ZYX: variants seen among roughly 807,000 people sequenced by gnomAD.
The protein encoded by ZYX is zyxin-2.
Under a neutral mutation model 58.1 loss-of-function variants are expected in ZYX, and 37 were observed. That is an observed-to-expected ratio of 0.64 (90% CI 0.49 to 0.84). ZYX has a LOEUF of 0.84. ZYX is among the 40% of genes least tolerant of loss of function. The pLI is 0.00. For missense variants in ZYX, 762 were observed against 761.6 expected (o/e 1.00, Z -0.01); for synonymous variants, 324 against 321.1 (o/e 1.01, Z -0.10).
rs1586572496 is a variant in ZYX at position 143,389,556 on chromosome 7, A to T, written c.1494-301A>T. The stretch of plus-strand genomic sequence containing the variant: ...CAGGATGGGATGGGAGGGGTACCTC[A>T]GGGCTGGCTTTCTGCAGGAGCTGCA... On this transcript the variant is annotated intron_variant, in intron 8 of 9. Coordinates refer to ENST00000322764, the MANE Select transcript of ZYX (RefSeq NM_003461.5). This position sits in a 1 kb window ranked among gnomAD's most constrained non-coding sequence, Gnocchi z 5.6. 1.3e-5 allele frequency among the ~76,000 whole-genome samples: 2 copies of T among 152,328 alleles called. No individual in the cohort carries two copies. The highest frequency in any genetic ancestry group is 2.9e-5 in the Non-Finnish European group (2 of 68,020).
At position 143,390,294 on chromosome 7, in the gene ZYX, A is replaced by T. The variant is rs148112834; in HGVS notation, c.1615-284A>T. On this transcript the variant is annotated intron_variant, in intron 9 of 9. Transcript: ENST00000322764. This position sits in a 1 kb window ranked among gnomAD's most constrained non-coding sequence, Gnocchi z 4.3. ...AGGAGCTGAGAGAAGAGGTCTTCGA[A>T]TGGAGGTGAGCCAACCTCTATTTTA... 387 of 549,670 alleles carry T rather than the reference A, an allele frequency of 7.0e-4. 6 individuals carry two copies. The East Asian group carries it at 0.012, about 17-fold the overall frequency. 34.0% of individuals were successfully genotyped at this position (549,670 alleles called of 1,614,324 possible).
At chr7:143,381,854 T>G in intron 2 of ZYX, 75 bp downstream of exon 2, 2 of 1,382,800 alleles carry the variant, frequency 1.4e-6, no homozygotes, top group Non-Finnish European at 1.9e-6. Flanking sequence ...AATTTGGGGA[T>G]GTCTGGAAAG....
rs1215049091 is a variant in ZYX at position 143,388,814 on chromosome 7, C to T, written c.1362C>T (p.Arg454=). The change falls in exon 8 of 10, where the codon CGC becomes CGT. Residue 454 remains arginine (R), a synonymous_variant. Transcript: ENST00000322764. This position sits in a 1 kb window ranked among gnomAD's most constrained non-coding sequence, Gnocchi z 7.5. ...CNTCGEPITD[R]MLRATGKAYH... ...CCTGCGGGGAGCCCATCACTGACCG[C>T]ATGCTGAGGGCCACGGGCAAGGCCT... The T allele has an allele frequency of 6.2e-7, 1 of 1,613,952 alleles. No homozygotes were observed. The highest frequency in any genetic ancestry group is 1.3e-5 in the African/African-American group (1 of 74,908).
rs1383254753 is a variant in ZYX, at chr7:143,390,520, G to A, written c.1615-58G>A. 3.1e-6 allele frequency: 4 copies of A among 1,279,258 alleles called. No homozygotes were observed. Among genetic ancestry groups the A allele is most frequent in the Non-Finnish European group, 3.3e-6 (3 of 903,732 alleles). 79.2% of individuals were successfully genotyped at this position (1,279,258 alleles called of 1,614,324 possible). On this transcript the variant is annotated intron_variant, in intron 9 of 9. Coordinates refer to ENST00000322764, the MANE Select transcript of ZYX (RefSeq NM_003461.5). This position sits in a 1 kb window ranked among gnomAD's most constrained non-coding sequence, Gnocchi z 4.3. ...AGATGGAGCTGGATGGGGTGGGGTA[G>A]GGTGGAGCAGAGCAGGGGCCTTCCG...
chr7:143,386,685 A>G (rs1804877888), intron 5 of ZYX, among the ~76,000 whole-genome samples: 1 of 141,470 alleles, frequency 7.1e-6, no homozygotes, highest in African/African-American at 2.5e-5. Flanking sequence ...AGGCTGGGGC[A>G]TGGTGGACAA....
At chr7:143,386,046 G>A (rs1804853057) in intron 5 of ZYX, among the ~76,000 whole-genome samples, 1 of 105,912 alleles carries the variant, frequency 9.4e-6, no homozygotes, top group Non-Finnish European at 2.4e-5. Context: ...GTATGTGAGT[G>A]GTGTATGTGT....
intron 2 of ZYX, 156 bp downstream of exon 2, chr7:143,381,935 T>TGGC (rs1804619300): frequency 7.5e-6 from 6 of 798,108 alleles, no homozygotes; most frequent in Non-Finnish European, 1.1e-5. Flanking sequence ...GTGGAGCTCG[T>TGGC]GGCTGGGAGC....
At position 143,390,073 on chromosome 7, in the gene ZYX, G is replaced by A. The variant is rs1004427554; in HGVS notation, c.1614+96G>A. 9.1e-6 allele frequency: 14 copies of A among 1,544,808 alleles called. 1 individual carries two copies. In the South Asian group the frequency reaches 1.3e-4, roughly 15 times the overall value. On this transcript the variant is annotated intron_variant, in intron 9 of 9. Transcript: ENST00000322764. The surrounding 1 kb of genome is among the most constrained non-coding windows in gnomAD (Gnocchi z 4.3). The stretch of plus-strand genomic sequence containing the variant: ...GGGAGGTGGAAAGCACCAGCATTCA[G>A]GAAACAGGGCTGTGATTTTGAGGGT...
At position 143,382,808 on chromosome 7, in the gene ZYX, C is replaced by A. The variant is rs1452457167; in HGVS notation, c.509C>A (p.Ser170Tyr). ...KNDPFKARVSSGYVPPPVATP... is the reference protein window; with the variant it reads ...KNDPFKARVSYGYVPPPVATP... ...CTCTCCCACCCCTTGCAGGTGTCAT[C>A]TGGATATGTGCCCCCACCAGTGGCC... The change falls in exon 5 of 10, where the codon TCT (serine) becomes TAT (tyrosine). Residue 170 changes from serine (S) to tyrosine (Y), a missense_variant. Coordinates refer to ENST00000322764, the MANE Select transcript of ZYX (RefSeq NM_003461.5). The A allele has an allele frequency of 6.2e-7, 1 of 1,606,164 alleles. No homozygotes were observed. Among genetic ancestry groups the A allele is most frequent in the South Asian group, 1.1e-5 (1 of 89,866 alleles).
chr7:143,387,518 G>A lies in ZYX; in HGVS notation c.1024-701G>A, dbSNP rs993360761. ...GTTACCTCTCAGGGTTACTGGCAGC[G>A]CTGTCCTTAACATCCACCCCCCACT... On this transcript the variant is annotated intron_variant, in intron 5 of 9. Transcript: ENST00000322764. This position sits in a 1 kb window ranked among gnomAD's most constrained non-coding sequence, Gnocchi z 5.8. 1.6e-4 allele frequency among the ~76,000 whole-genome samples: 25 copies of A among 152,240 alleles called. No homozygotes were observed. The highest frequency in any genetic ancestry group is 2.9e-4 in the African/African-American group (12 of 41,544).
chr7:143,382,589 C>T lies in ZYX; in HGVS notation c.409-4C>T, dbSNP rs1563106318. The T allele has an allele frequency of 6.2e-7, 1 of 1,613,998 alleles. No homozygotes were observed. ...AATAGGTGCTCTGACCTCTGACCCT[C>T]TAGCCCAGGGAGAAGGTGAGCAGTA... is the stretch of plus-strand genomic sequence containing the variant. On this transcript the variant is annotated splice_region_variant and splice_polypyrimidine_tract_variant and intron_variant, in intron 3 of 9. Transcript: ENST00000322764.
At chr7:143,385,251 G>A (rs1376868338) in intron 5 of ZYX, among the ~76,000 whole-genome samples, 1 of 152,072 alleles carries the variant, frequency 6.6e-6, no homozygotes, top group African/African-American at 2.4e-5. Flanking sequence ...GAGAGTGGGT[G>A]GTGAGAAGTG....
chr7:143,388,906 A>G lies in ZYX; in HGVS notation c.1454A>G (p.Asp485Gly). The G allele has an allele frequency of 6.2e-7, 1 of 1,612,918 alleles. No homozygotes were observed. Among genetic ancestry groups the G allele is most frequent in the Non-Finnish European group, 8.5e-7 (1 of 1,179,858 alleles). Residue 485 changes from aspartate to glycine, a missense_variant, in exon 8 of 10, where the codon GAC (aspartate) becomes GGC (glycine). Transcript: ENST00000322764. This position sits in a 1 kb window ranked among gnomAD's most constrained non-coding sequence, Gnocchi z 7.5. ...CTGGAGGGCACCTCCTTCATCGTGG[A>G]CCAGGCCAACCGGCCCCACTGTGTC... ...RPLEGTSFIV[D>G]QANRPHCVPD...
Position 143,388,016 on chromosome 7 carries a change from C to T in ZYX, c.1024-203C>T. 1.6e-6 allele frequency: 1 copy of T among 635,946 alleles called. No homozygotes were observed. The highest frequency in any genetic ancestry group is 2.9e-5 in the East Asian group (1 of 35,018). The allele number at this position is 635,946 out of a possible 1,614,324, so 39.4% of individuals were successfully genotyped here. A position where few individuals can be genotyped will look rare whatever the true frequency, so the allele number is the denominator to read the frequency against. On this transcript the variant is annotated intron_variant, in intron 5 of 9. Transcript: ENST00000322764. This position sits in a 1 kb window ranked among gnomAD's most constrained non-coding sequence, Gnocchi z 7.5. ...AATGTCTTGCTGTACGAGATCCAGG[C>T]TTAGGTCCCTTCCCCTGTTATTTGT...
At position 143,383,316 on chromosome 7, in the gene ZYX, A is replaced by C. The variant is rs1200101043; in HGVS notation, c.1017A>C (p.Gln339His). ...QHPVPPPAQN[Q>H]NQVRSPGAPG... ...CCGTGCCCCCACCGGCTCAGAACCA[A>C]AACCAGGTGAGGGATGGTGATAGGA... The change falls in exon 5 of 10, where the codon CAA (glutamine) becomes CAC (histidine). Residue 339 changes from glutamine (Q) to histidine (H), a missense_variant. Physicochemically the swap from Gln to His is conservative, Grantham distance 24 (BLOSUM62 0). Transcript: ENST00000322764. 1.9e-6 allele frequency: 3 copies of C among 1,600,584 alleles called. No homozygotes were observed. Among genetic ancestry groups the C allele is most frequent in the East Asian group, 4.5e-5 (2 of 44,838 alleles).
intron 5 of ZYX, among the ~76,000 whole-genome samples, chr7:143,385,490 A>ACATGTGTG (rs1246283382): frequency 1.3e-5 from 2 of 150,766 alleles, no homozygotes; most frequent in South Asian, 4.3e-4. Context: ...GTATATGAGT[A>ACATGTGTG]CATGTGTGCA....
At position 143,388,215 on chromosome 7, in the gene ZYX, G is replaced by A. The variant is rs770092810; in HGVS notation, c.1024-4G>A. ...AGAGTGTGAGGAAAATGTTGGGATT[G>A]CAGGTGCGCTCCCCTGGGGCCCCAG... is the stretch of plus-strand genomic sequence containing the variant. On this transcript the variant is annotated splice_region_variant and splice_polypyrimidine_tract_variant and intron_variant, in intron 5 of 9. Coordinates refer to ENST00000322764, the MANE Select transcript of ZYX (RefSeq NM_003461.5). This position sits in a 1 kb window ranked among gnomAD's most constrained non-coding sequence, Gnocchi z 7.5. The A allele has an allele frequency of 2.5e-6, 4 of 1,596,388 alleles. No homozygotes were observed. In the Admixed American group the frequency reaches 7.1e-5, roughly 28 times the overall value.
intron 2 of ZYX, 40 bp from the exon 3 acceptor site, chr7:143,382,208 A>G: frequency 2.6e-6 from 4 of 1,554,920 alleles, no homozygotes; most frequent in Non-Finnish European, 3.5e-6. Context: ...GGTGAGGGGT[A>G]GAGGGACCCC....
Position 143,390,801 on chromosome 7 carries a change from C to G in ZYX, c.*119C>G, listed in dbSNP as rs3209998. The G allele has an allele frequency of 3.6e-5, 28 of 772,478 alleles. No homozygotes were observed. In the East Asian group the frequency reaches 7.3e-4, roughly 20 times the overall value. The allele number at this position is 772,478 out of a possible 1,614,324, so 47.9% of individuals were successfully genotyped here. On this transcript the variant is annotated 3_prime_UTR_variant, in exon 10 of 10. Transcript: ENST00000322764. The surrounding 1 kb of genome is among the most constrained non-coding windows in gnomAD (Gnocchi z 4.3). ...GTCTAGCCCCTCCCATTTCCAACCC[C>G]TCCCTAGCATCCCAGGTGCCCTGAC...
Sources: allele counts gnomAD v4.1 joint callset (sites outside exome capture counted in the v4.1 genomes callset), GRCh38; gene constraint gnomAD v4.1.1; non-coding constraint Gnocchi (gnomAD v3.1); transcripts MANE v1.5; gene names NCBI Gene and HGNC (gene_info 2026-07-23, HGNC 2026-07-21).